The following KHDRBS2 variants were observed in gnomAD, a reference collection of about 807,000 sequenced individuals.
The protein encoded by KHDRBS2 is KH RNA binding domain containing, signal transduction associated 2.
KHDRBS2 carries 26 observed loss-of-function variants against 44.3 expected under a neutral mutation model. The ratio of observed to expected loss-of-function variants is 0.59; its 90% confidence interval spans 0.43 to 0.81. The LOEUF is 0.81. KHDRBS2 is among the 40% of genes least tolerant of loss of function. The pLI, the probability that KHDRBS2 is intolerant of heterozygous loss-of-function variation, is 0.00. For synonymous variants in KHDRBS2, 194 were observed against 151.1 expected (o/e 1.28, Z -2.08); for missense variants, 476 against 433.1 (o/e 1.10, Z -0.88).
chr6:61,574,098 AACTGTATT>A, the KHDRBS2 span, among the ~76,000 whole-genome samples: 1 of 152,138 alleles, frequency 6.6e-6, no homozygotes, highest in Non-Finnish European at 1.5e-5. Context: ...AAAAAAATGA[AACTGTATT>A]ACTCCTACTG....
At chr6:61,869,368 A>G (rs1370121916) in intron 6 of KHDRBS2, among the ~76,000 whole-genome samples, 3 of 152,238 alleles carry the variant, frequency 2.0e-5, no homozygotes, top group Admixed American at 2.0e-4. Flanking sequence ...TTGATGACAT[A>G]TAATTATATA....
intron 8 of KHDRBS2, among the ~76,000 whole-genome samples, chr6:61,684,112 A>G (rs1766580848): frequency 6.6e-6 from 1 of 151,946 alleles, no homozygotes; most frequent in Non-Finnish European, 1.5e-5. Context: ...ACACATTTAC[A>G]ATTGCCACAT....
chr6:62,163,785 T>C (rs946923294), intron 2 of KHDRBS2, among the ~76,000 whole-genome samples: 1 of 151,984 alleles, frequency 6.6e-6, no homozygotes, highest in African/African-American at 2.4e-5. Context: ...TTTTTAAGCC[T>C]TACTCTCTCC....
chr6:61,767,508 CT>C, intron 6 of KHDRBS2, among the ~76,000 whole-genome samples: 1 of 151,762 alleles, frequency 6.6e-6, no homozygotes. Flanking sequence ...TTTTGGTTTT[CT>C]TTTTTTGTCA....
intron 2 of KHDRBS2, among the ~76,000 whole-genome samples, chr6:62,129,303 T>C (rs756439283): frequency 6.6e-6 from 1 of 152,054 alleles, no homozygotes; most frequent in Non-Finnish European, 1.5e-5. Context: ...CATTCATGAG[T>C]GAACTGTCTA....
intron 1 of KHDRBS2, among the ~76,000 whole-genome samples, chr6:62,262,623 T>G (rs1255282555): frequency 6.6e-6 from 1 of 151,776 alleles, no homozygotes; most frequent in Non-Finnish European, 1.5e-5. Context: ...AGCTGGAATC[T>G]AACCTATCTG....
intron 2 of KHDRBS2, among the ~76,000 whole-genome samples, chr6:62,115,312 C>A (rs375594012): frequency 3.9e-5 from 6 of 152,108 alleles, no homozygotes; most frequent in African/African-American, 1.4e-4. Context: ...ACCTTATATA[C>A]CAATGGACCA....
chr6:61,787,756 A>G (rs1044067076), intron 6 of KHDRBS2, among the ~76,000 whole-genome samples: 9 of 151,698 alleles, frequency 5.9e-5, no homozygotes, highest in African/African-American at 2.2e-4. Context: ...ATTCATTTGG[A>G]AAAGTTATTA....
At chr6:62,044,968 T>TG in intron 3 of KHDRBS2, among the ~76,000 whole-genome samples, 2 of 152,170 alleles carry the variant, frequency 1.3e-5, no homozygotes, top group East Asian at 3.9e-4. Flanking sequence ...TACATCCACA[T>TG]TGACATGTTG....
the KHDRBS2 span, among the ~76,000 whole-genome samples, chr6:61,625,334 G>A: frequency 1.3e-5 from 2 of 149,540 alleles, no homozygotes; most frequent in South Asian, 4.4e-4. Flanking sequence ...ACAGGAATGA[G>A]GGAATACTTC....
At chr6:62,027,313 A>T (rs1393765017) in intron 3 of KHDRBS2, among the ~76,000 whole-genome samples, 1 of 152,160 alleles carries the variant, frequency 6.6e-6, no homozygotes, top group East Asian at 1.9e-4. Context: ...TTAAGTAATC[A>T]GGAAAATATA....
intron 6 of KHDRBS2, among the ~76,000 whole-genome samples, chr6:61,773,462 A>G (rs544262646): frequency 2.4e-3 from 367 of 151,988 alleles, no homozygotes; most frequent in African/African-American, 8.6e-3. Context: ...GTCTGTTCAT[A>G]TCCTTTGCCC....
At chr6:61,731,587 A>G (rs1440446126) in intron 7 of KHDRBS2, among the ~76,000 whole-genome samples, 1 of 152,080 alleles carries the variant, frequency 6.6e-6, no homozygotes, top group East Asian at 1.9e-4. Flanking sequence ...AATGACCTTT[A>G]AGTTGTTTTC....
At chr6:61,852,963 A>G (rs1442399106) in intron 6 of KHDRBS2, among the ~76,000 whole-genome samples, 2 of 152,152 alleles carry the variant, frequency 1.3e-5, no homozygotes, top group East Asian at 1.9e-4. Flanking sequence ...AGCTAGAACA[A>G]TCTTCTAAAA....
intron 6 of KHDRBS2, among the ~76,000 whole-genome samples, chr6:61,802,920 G>C (rs1786517643): frequency 6.6e-6 from 1 of 152,112 alleles, no homozygotes; most frequent in African/African-American, 2.4e-5. Context: ...AAAAGAGGTA[G>C]CACAGTTAAT....
chr6:61,699,556 G>C (rs1029092823), intron 7 of KHDRBS2, among the ~76,000 whole-genome samples: 4 of 151,956 alleles, frequency 2.6e-5, no homozygotes, highest in Non-Finnish European at 5.9e-5. Context: ...CAAAGGGTTA[G>C]GATGGAAGGA....
chr6:62,073,655 G>T (rs1331302725), intron 2 of KHDRBS2, among the ~76,000 whole-genome samples: 2 of 148,476 alleles, frequency 1.3e-5, no homozygotes, highest in East Asian at 2.0e-4. Flanking sequence ...GTTCATTGAT[G>T]TGAGAACTTC....
the KHDRBS2 span, among the ~76,000 whole-genome samples, chr6:61,568,309 C>A: frequency 0.013 from 1,970 of 152,184 alleles, 173 homozygotes; most frequent in East Asian, 0.25. Flanking sequence ...TTTAAGATTT[C>A]TTTGGCTGCT....
rs368895978 is a variant in KHDRBS2 at position 62,134,156 on chromosome 6, G to C, written c.219+43029C>G. ...AGCACCTCTTATTACAGACCCAGAG[G>C]CCTAGGAGGAAAAAATGGTTTTGTG... On this transcript the variant is annotated intron_variant, in intron 2 of 8. Coordinates refer to ENST00000281156, the MANE Select transcript of KHDRBS2 (RefSeq NM_152688.4). 2.6e-5 allele frequency among the ~76,000 whole-genome samples: 4 copies of C among 152,260 alleles called. No individual in the cohort carries two copies. In the East Asian group the frequency reaches 5.8e-4, roughly 22 times the overall value.
Sources: allele counts gnomAD v4.1 joint callset (sites outside exome capture counted in the v4.1 genomes callset), GRCh38; gene constraint gnomAD v4.1.1; transcripts MANE v1.5; gene names NCBI Gene and HGNC (gene_info 2026-07-23, HGNC 2026-07-21).